Variants in RSRC1 observed in about 807,000 individuals in gnomAD.
RSRC1 encodes arginine and serine rich coiled-coil 1.
Under a neutral mutation model 49.1 loss-of-function variants are expected in RSRC1, and 39 were observed. The ratio of observed to expected loss-of-function variants is 0.79; its 90% CI spans 0.61 to 1.04. The LOEUF is 1.04. Among genes scored for constraint, RSRC1 ranks in the 50% least tolerant of loss-of-function variants. The probability of loss-of-function intolerance (pLI) is 0.00; values close to 1 mark genes in which losing one functional copy is unlikely to be tolerated. For missense variants in RSRC1, 388 were observed against 402.4 expected (o/e 0.96, Z 0.31); for synonymous variants, 143 against 130.8 (o/e 1.09, Z -0.63).
intron 6 of RSRC1, among the ~76,000 whole-genome samples, chr3:158,357,746 A>T (rs1051057497): frequency 2.0e-5 from 3 of 152,192 alleles, no homozygotes; most frequent in African/African-American, 7.2e-5. Context: ...GAAGTCTAGT[A>T]GTACCCATTG....
intron 6 of RSRC1, among the ~76,000 whole-genome samples, chr3:158,458,148 G>A (rs936719086): frequency 3.9e-5 from 6 of 152,034 alleles, no homozygotes; most frequent in Non-Finnish European, 8.8e-5. Flanking sequence ...GCCATTTGTA[G>A]TAAAGACAGC....
intron 6 of RSRC1, among the ~76,000 whole-genome samples, chr3:158,410,563 T>C (rs1490629272): frequency 6.6e-6 from 1 of 152,192 alleles, no homozygotes; most frequent in Non-Finnish European, 1.5e-5. Context: ...GGTCAGACCG[T>C]ATCTGTTTTG....
intron 3 of RSRC1, among the ~76,000 whole-genome samples, chr3:158,146,284 T>C (rs1318483103): frequency 1.3e-5 from 2 of 152,206 alleles, no homozygotes; most frequent in African/African-American, 4.8e-5. Context: ...ATAGCTCTTA[T>C]TATTTTGAGA....
chr3:158,302,157 A>T (rs1424547952), intron 5 of RSRC1, among the ~76,000 whole-genome samples: 1 of 151,700 alleles, frequency 6.6e-6, no homozygotes, highest in East Asian at 1.9e-4. Flanking sequence ...GCCTGCTTGC[A>T]TGCCTTCCAC....
At chr3:158,501,325 G>A (rs1739578333) in intron 7 of RSRC1, among the ~76,000 whole-genome samples, 1 of 152,130 alleles carries the variant, frequency 6.6e-6, no homozygotes, top group Non-Finnish European at 1.5e-5. Flanking sequence ...TGAATAGAAT[G>A]TGTATTCTGG....
chr3:158,193,556 A>G (rs2108266243), intron 3 of RSRC1, among the ~76,000 whole-genome samples: 1 of 152,230 alleles, frequency 6.6e-6, no homozygotes. Context: ...AATGAAAATA[A>G]CCCGTATGTC....
intron 8 of RSRC1, among the ~76,000 whole-genome samples, chr3:158,538,224 T>C (rs1712828292): frequency 6.6e-6 from 1 of 151,864 alleles, no homozygotes; most frequent in Admixed American, 6.6e-5. Flanking sequence ...ACCATATACT[T>C]TTTAAAATAA....
chr3:158,331,340 A>T (rs768691838), intron 5 of RSRC1, among the ~76,000 whole-genome samples: 1 of 152,208 alleles, frequency 6.6e-6, no homozygotes, highest in Non-Finnish European at 1.5e-5. Context: ...TGAGTTTCTT[A>T]TGCTTTTTTG....
intron 6 of RSRC1, among the ~76,000 whole-genome samples, chr3:158,358,467 T>C (rs1030866516): frequency 1.2e-4 from 19 of 152,196 alleles, no homozygotes; most frequent in Non-Finnish European, 1.9e-4. Context: ...TAATGAATAG[T>C]GGAAAGATCC....
At chr3:158,511,139 G>A (rs1329419194) in intron 7 of RSRC1, among the ~76,000 whole-genome samples, 1 of 151,788 alleles carries the variant, frequency 6.6e-6, no homozygotes, top group Non-Finnish European at 1.5e-5. Flanking sequence ...AAGTTCTAGG[G>A]TACATGTGCA....
chr3:158,224,004 G>A (rs757343782), intron 4 of RSRC1, among the ~76,000 whole-genome samples: 20 of 151,678 alleles, frequency 1.3e-4, no homozygotes, highest in Non-Finnish European at 2.2e-4. Context: ...GTCCTTCAGA[G>A]TACTTATCAC....
In RSRC1 at chr3:158,519,727, G is replaced by A. The variant is rs552579878; in HGVS notation, c.653-17365G>A. On this transcript the variant is annotated intron_variant, in intron 7 of 9. Transcript: ENST00000611884. Reference sequence around the variant, plus strand: ...GATGCTTTGAATTTAAGGGGTGAGAGAGAAGAATTGAAGATGTGGCATATG... The same window carrying A: ...GATGCTTTGAATTTAAGGGGTGAGAAAGAAGAATTGAAGATGTGGCATATG... Among the ~76,000 whole-genome samples the A allele has an allele frequency of 9.9e-5, 15 of 152,210 alleles. No homozygotes were observed. In the South Asian group the frequency reaches 2.3e-3, roughly 23 times the overall value.
intron 6 of RSRC1, among the ~76,000 whole-genome samples, chr3:158,389,687 A>G (rs1733161827): frequency 6.6e-6 from 1 of 152,210 alleles, no homozygotes; most frequent in Admixed American, 6.5e-5. Context: ...AAGGCATGTG[A>G]AACAGTTTTT....
intron 3 of RSRC1, among the ~76,000 whole-genome samples, chr3:158,191,773 T>C (rs1048709514): frequency 2.0e-5 from 3 of 152,042 alleles, no homozygotes; most frequent in African/African-American, 7.2e-5. Flanking sequence ...AATTTTAATA[T>C]AGTTTCTTTG....
At position 158,280,451 on chromosome 3, in the gene RSRC1, G is replaced by A. The variant is rs544522755; in HGVS notation, c.495-17588G>A. The stretch of plus-strand genomic sequence containing the variant: ...TTATACCTGTCTTTAAGCTCCACAT[G>A]ACCTGGTATATGTTGTTCATAATTG... On this transcript the variant is annotated intron_variant, in intron 4 of 9. Transcript: ENST00000611884. Among the ~76,000 whole-genome samples the A allele has an allele frequency of 3.6e-4, 54 of 151,942 alleles. 1 individual carries two copies. Among genetic ancestry groups the A allele is most frequent in the Non-Finnish European group, 6.6e-4 (45 of 67,998 alleles).
At chr3:158,281,701 A>G (rs1726180901) in intron 4 of RSRC1, among the ~76,000 whole-genome samples, 2 of 152,266 alleles carry the variant, frequency 1.3e-5, no homozygotes, top group African/African-American at 4.8e-5. Context: ...AATGTTAGAC[A>G]GTATCAAATG....
chr3:158,305,167 C>T (rs1727768840), intron 5 of RSRC1, among the ~76,000 whole-genome samples: 1 of 151,982 alleles, frequency 6.6e-6, no homozygotes, highest in South Asian at 2.1e-4. Context: ...CCAATCCCTC[C>T]TTTCACCCTC....
At position 158,252,377 on chromosome 3, in the gene RSRC1, G is replaced by A. The variant is rs138526939; in HGVS notation, c.495-45662G>A. 2.6e-3 allele frequency among the ~76,000 whole-genome samples: 398 copies of A among 152,126 alleles called. 4 individuals are homozygous for A. Among genetic ancestry groups the A allele is most frequent in the African/African-American group, 9.2e-3 (380 of 41,496 alleles). ...AGATGGGGTTTCACTGTGTTAGCCAGGATGGTCTCGATCTCCTGACCTTGT... is the reference window on the plus strand; with the variant it reads ...AGATGGGGTTTCACTGTGTTAGCCAAGATGGTCTCGATCTCCTGACCTTGT... On this transcript the variant is annotated intron_variant, in intron 4 of 9. Coordinates refer to ENST00000611884, the MANE Select transcript of RSRC1 (RefSeq NM_001271838.2).
At chr3:158,312,227 A>G (rs576970170) in intron 5 of RSRC1, among the ~76,000 whole-genome samples, 9 of 151,454 alleles carry the variant, frequency 5.9e-5, no homozygotes, top group African/African-American at 2.2e-4. Context: ...GAAAAAAGCT[A>G]AAGTACTTAA....
Sources: allele counts gnomAD v4.1 joint callset (sites outside exome capture counted in the v4.1 genomes callset), GRCh38; gene constraint gnomAD v4.1.1; transcripts MANE v1.5; gene names NCBI Gene and HGNC (gene_info 2026-07-23, HGNC 2026-07-21).